CCDC83: variants seen among roughly 807,000 people sequenced by gnomAD.
CCDC83 encodes the protein coiled-coil domain containing 83.
A neutral mutation model predicts 50.1 loss-of-function variants in CCDC83; 54 were observed. That is an observed-to-expected ratio of 1.08 (90% CI 0.87 to 1.35). The LOEUF is 1.35. CCDC83 is among the 40% of genes most tolerant of loss of function. The pLI is 0.00. For synonymous variants in CCDC83, 161 were observed against 153.3 expected (o/e 1.05, Z -0.37); for missense variants, 518 against 473.9 (o/e 1.09, Z -0.86).
In CCDC83 at chr11:85,919,593, AC is replaced by A. The variant is rs2093499206; in HGVS notation, c.*84del. On this transcript the variant is annotated 3_prime_UTR_variant, in exon 11 of 11. Transcript: ENST00000342404. Reference sequence around the variant, plus strand: ...AGTATATCCGTTGCCCATTTTACTTACACTTTGGCTCATTTTTAAACCAGCT... The same window carrying A: ...AGTATATCCGTTGCCCATTTTACTTAACTTTGGCTCATTTTTAAACCAGCT... 4 of 978,124 alleles carry A rather than the reference AC, an allele frequency of 4.1e-6. No homozygotes were observed. The highest frequency in any genetic ancestry group is 6.2e-6 in the Non-Finnish European group (4 of 648,710). 60.6% of individuals were successfully genotyped at this position (978,124 alleles called of 1,614,324 possible). A position where few individuals can be genotyped will look rare whatever the true frequency, so the allele number is the denominator to read the frequency against.
chr11:85,896,117 C>T (rs2135083329), intron 6 of CCDC83, among the ~76,000 whole-genome samples: 1 of 152,200 alleles, frequency 6.6e-6, no homozygotes, highest in East Asian at 1.9e-4. Flanking sequence ...CATCTCAAAT[C>T]CCCAAATCCA....
intron 10 of CCDC83, among the ~76,000 whole-genome samples, chr11:85,917,162 G>A (rs866840767): frequency 0.018 from 1,205 of 65,622 alleles, 28 homozygotes; most frequent in African/African-American, 0.047. Flanking sequence ...GAGAGAGAGA[G>A]AGAGAGAAAG....
chr11:85,885,950 C>G (rs887410824), intron 4 of CCDC83, among the ~76,000 whole-genome samples: 1 of 152,190 alleles, frequency 6.6e-6, no homozygotes, highest in African/African-American at 2.4e-5. Context: ...TTGTCTATTA[C>G]GTCTTTCAAT....
chr11:85,919,426 G>A lies in CCDC83; in HGVS notation c.1158G>A (p.Glu386=), dbSNP rs1344242930. 6.2e-7 allele frequency: 1 copy of A among 1,613,432 alleles called. No individual in the cohort carries two copies. The highest frequency in any genetic ancestry group is 1.3e-5 in the African/African-American group (1 of 74,894). The change falls in exon 11 of 11, where the codon GAG becomes GAA. Residue 386 remains glutamate, a synonymous_variant. Transcript: ENST00000342404. ...ESKKMPIHFQ[E]KEIPVKLYKD... is the part of the protein sequence containing the mutation. ...AGAAAATGCCCATTCATTTTCAAGA[G>A]AAGGAAATTCCAGTCAAACTCTATA...
chr11:85,865,783 G>A (rs1204816479), intron 2 of CCDC83, among the ~76,000 whole-genome samples: 2 of 152,102 alleles, frequency 1.3e-5, no homozygotes, highest in East Asian at 3.9e-4. Flanking sequence ...AGCTTCTCGG[G>A]AGACTGAGGC....
At position 85,888,067 on chromosome 11, in the gene CCDC83, A is replaced by G. The variant is rs182954052; in HGVS notation, c.511+1700A>G. 2.2e-3 allele frequency among the ~76,000 whole-genome samples: 328 copies of G among 152,242 alleles called. 1 individual carries two copies. The highest frequency in any genetic ancestry group is 7.0e-3 in the African/African-American group (291 of 41,554). On this transcript the variant is annotated intron_variant, in intron 5 of 10. Transcript: ENST00000342404. The stretch of plus-strand genomic sequence containing the variant: ...ACACATAAGCATTAAGGTTGTTTCT[A>G]GTGTTTTAGTATTACAAATAATGCT...
At chr11:85,856,444 C>A (rs1373481546) in intron 1 of CCDC83, among the ~76,000 whole-genome samples, 9 of 152,020 alleles carry the variant, frequency 5.9e-5, no homozygotes, top group African/African-American at 2.2e-4. Context: ...GTTGATAATT[C>A]TAAAACTGAA....
At chr11:85,911,190 A>C (rs1041336710) in intron 7 of CCDC83, 91 bp from the exon 8 acceptor site, 1 of 1,128,378 alleles carries the variant, frequency 8.9e-7, no homozygotes. Flanking sequence ...AAAAAAAAAA[A>C]AAGAAAGAAA....
chr11:85,865,172 C>T lies in CCDC83; in HGVS notation c.49C>T (p.Pro17Ser). ...ANKKDTHDGP[P>S]KEIKLPTSEA... Reference sequence around the variant, plus strand: ...TAAAAAGGATACACATGACGGGCCACCAAAAGAAATTAAACTGCCTACCAG... The same window carrying T: ...TAAAAAGGATACACATGACGGGCCATCAAAAGAAATTAAACTGCCTACCAG... The change falls in exon 2 of 11, where the codon CCA (proline) becomes TCA (serine). Residue 17 changes from proline to serine, a missense_variant. By Grantham distance (74) the Pro-to-Ser change is moderately conservative. Coordinates refer to ENST00000342404, the MANE Select transcript of CCDC83 (RefSeq NM_001286159.2). The T allele has an allele frequency of 6.2e-7, 1 of 1,613,262 alleles. No homozygotes were observed. Among genetic ancestry groups the T allele is most frequent in the Non-Finnish European group, 8.5e-7 (1 of 1,179,324 alleles).
intron 7 of CCDC83, among the ~76,000 whole-genome samples, chr11:85,906,130 A>G (rs1194270709): frequency 6.6e-6 from 1 of 151,742 alleles, no homozygotes; most frequent in African/African-American, 2.4e-5. Context: ...AAATGGCACA[A>G]CCTTGGCTCA....
chr11:85,856,776 T>G (rs2093143897), intron 1 of CCDC83, among the ~76,000 whole-genome samples: 2 of 152,212 alleles, frequency 1.3e-5, no homozygotes, highest in African/African-American at 4.8e-5. Context: ...TTTTACATTT[T>G]AACACTAACA....
chr11:85,916,481 A>T, intron 10 of CCDC83: 2 of 414,882 alleles, frequency 4.8e-6, no homozygotes, highest in South Asian at 5.0e-5. Context: ...CTAATGCTAC[A>T]TAACAATCCC....
intron 4 of CCDC83, among the ~76,000 whole-genome samples, chr11:85,883,563 G>A (rs931172906): frequency 6.6e-6 from 1 of 151,826 alleles, no homozygotes; most frequent in Non-Finnish European, 1.5e-5. Context: ...TGGTACTGAG[G>A]GTAAATCATG....
At chr11:85,918,099 C>T (rs2093491091) in intron 10 of CCDC83, 1 of 152,168 alleles carries the variant, frequency 6.6e-6, no homozygotes, top group Admixed American at 6.5e-5. Context: ...AAGACATCAC[C>T]TTCCTTTTTC....
At chr11:85,906,011 A>G (rs1000465928) in intron 7 of CCDC83, among the ~76,000 whole-genome samples, 8 of 150,394 alleles carry the variant, frequency 5.3e-5, no homozygotes, top group Non-Finnish European at 7.4e-5. Flanking sequence ...GGAGAAACTT[A>G]CTTCTTATAC....
At chr11:85,897,342 A>T (rs906789980) in intron 6 of CCDC83, among the ~76,000 whole-genome samples, 75 of 152,222 alleles carry the variant, frequency 4.9e-4, no homozygotes, top group African/African-American at 1.7e-3. Context: ...GCTCCTTCAG[A>T]TCACTGCTCC....
In CCDC83 at chr11:85,909,745, C is replaced by T. The variant is rs560441165; in HGVS notation, c.673-1536C>T. Among the ~76,000 whole-genome samples, 7 of 151,426 alleles carry T rather than the reference C, an allele frequency of 4.6e-5. No homozygotes were observed. The South Asian group carries it at 1.5e-3, about 32-fold the overall frequency. ...TCAAGTGATTCTCCTGCCTCAGCCT[C>T]CCGACAAAATACACTTCTTAAAAAC... is the stretch of plus-strand genomic sequence containing the variant. On this transcript the variant is annotated intron_variant, in intron 7 of 10. Coordinates refer to ENST00000342404, the MANE Select transcript of CCDC83 (RefSeq NM_001286159.2).
chr11:85,919,809 G>C lies in CCDC83; in HGVS notation c.*299G>C, dbSNP rs2093500116. ...ACACAAAAAATTCACTGATTAATCT[G>C]TGATTCCAGTATGAAATAGTTCCAT... On this transcript the variant is annotated 3_prime_UTR_variant, in exon 11 of 11. Coordinates refer to ENST00000342404, the MANE Select transcript of CCDC83 (RefSeq NM_001286159.2). The C allele has an allele frequency of 3.6e-6, 1 of 278,062 alleles. No homozygotes were observed. Among genetic ancestry groups the C allele is most frequent in the Non-Finnish European group, 6.7e-6 (1 of 150,206 alleles). 17.2% of individuals were successfully genotyped at this position (278,062 alleles called of 1,614,324 possible).
intron 2 of CCDC83, among the ~76,000 whole-genome samples, chr11:85,868,534 C>T (rs977505418): frequency 6.6e-6 from 1 of 152,156 alleles, no homozygotes; most frequent in African/African-American, 2.4e-5. Flanking sequence ...GCCACCACAC[C>T]CAGCTAATTT....
Sources: gnomAD v4.1 joint callset for allele counts (sites outside exome capture counted in the v4.1 genomes callset) on GRCh38, gnomAD v4.1.1 for gene constraint, MANE v1.5 for transcripts, NCBI Gene and HGNC (gene_info 2026-07-23, HGNC 2026-07-21) for gene names.